TRAPPC9: variants seen among roughly 807,000 people sequenced by gnomAD.
The protein encoded by TRAPPC9 is IKK2 binding protein.
TRAPPC9 carries 83 observed loss-of-function variants against 124.0 expected under a neutral mutation model. That is an observed-to-expected ratio of 0.67 (90% CI 0.56 to 0.80). The LOEUF is 0.80. Ranked by LOEUF, TRAPPC9 falls within the 30% of genes least tolerant of loss-of-function variation. The pLI, the probability that TRAPPC9 is intolerant of heterozygous loss-of-function variation, is 0.00. For missense variants in TRAPPC9, 1,302 were observed against 1,508.3 expected, an observed-to-expected ratio of 0.86 and a Z score of 2.27; for synonymous variants, 638 against 617.5, an observed-to-expected ratio of 1.03 and a Z score of -0.49.
chr8:140,103,589 C>A (rs1422838490), intron 17 of TRAPPC9, among the ~76,000 whole-genome samples: 2 of 152,198 alleles, frequency 1.3e-5, no homozygotes, highest in Non-Finnish European at 2.9e-5. Flanking sequence ...TGTCATAGTG[C>A]TGCTGTTGAA....
intron 11 of TRAPPC9, among the ~76,000 whole-genome samples, chr8:140,293,367 A>G (rs2065716168): frequency 6.6e-6 from 1 of 151,890 alleles, no homozygotes; most frequent in Non-Finnish European, 1.5e-5. Context: ...ATTACTGGGT[A>G]TATACCCAAA....
At position 140,367,889 on chromosome 8, in the gene TRAPPC9, T is replaced by C. The variant is rs148591973; in HGVS notation, c.1351+3075A>G. On this transcript the variant is annotated intron_variant, in intron 8 of 22. Coordinates refer to ENST00000438773, the MANE Select transcript of TRAPPC9 (RefSeq NM_001160372.4). ...CATCCTCATGGTCCATCTAAAGGTGTCAATCATGAAATAAGGGGTGGGGAG... is the reference window on the plus strand; with the variant it reads ...CATCCTCATGGTCCATCTAAAGGTGCCAATCATGAAATAAGGGGTGGGGAG... 5.4e-4 allele frequency among the ~76,000 whole-genome samples: 82 copies of C among 152,186 alleles called. No homozygotes were observed. The East Asian group carries it at 0.015, about 28-fold the overall frequency.
chr8:140,161,455 TG>T, intron 17 of TRAPPC9, among the ~76,000 whole-genome samples: 1 of 151,896 alleles, frequency 6.6e-6, no homozygotes, highest in African/African-American at 2.4e-5. Flanking sequence ...ATATACGTAA[TG>T]AGCTATCTTT....
At chr8:140,190,058 G>C (rs1480557248) in intron 17 of TRAPPC9, among the ~76,000 whole-genome samples, 1 of 152,208 alleles carries the variant, frequency 6.6e-6, no homozygotes, top group Non-Finnish European at 1.5e-5. Context: ...AGAAATCAAA[G>C]CTAACAAGCG....
chr8:140,386,399 T>C (rs1021834861), intron 7 of TRAPPC9, among the ~76,000 whole-genome samples: 1 of 152,194 alleles, frequency 6.6e-6, no homozygotes, highest in East Asian at 1.9e-4. Flanking sequence ...GATGACATGA[T>C]TGTGTATCTA....
At chr8:139,866,605 G>A (rs1047957091) in intron 21 of TRAPPC9, among the ~76,000 whole-genome samples, 2 of 152,150 alleles carry the variant, frequency 1.3e-5, no homozygotes, top group Admixed American at 1.3e-4. Context: ...ACAGATTACA[G>A]TAAAGATAAT....
intron 17 of TRAPPC9, among the ~76,000 whole-genome samples, chr8:140,042,777 G>T (rs772955799): frequency 3.3e-5 from 5 of 152,194 alleles, no homozygotes; most frequent in Non-Finnish European, 5.9e-5. Flanking sequence ...GCTGATCTTC[G>T]CAGTTATTCA....
At chr8:140,382,749 C>G (rs892722747) in intron 7 of TRAPPC9, among the ~76,000 whole-genome samples, 11 of 152,250 alleles carry the variant, frequency 7.2e-5, no homozygotes, top group African/African-American at 2.7e-4. Context: ...CATAGCCAAA[C>G]AAAAGGCAGC....
intron 18 of TRAPPC9, among the ~76,000 whole-genome samples, chr8:140,006,580 C>G (rs1274979940): frequency 7.9e-5 from 12 of 152,126 alleles, no homozygotes; most frequent in Admixed American, 7.9e-4. Flanking sequence ...TTCACAATAG[C>G]AGAAAAGTGC....
rs71320340 is a variant in TRAPPC9 at position 140,019,542 on chromosome 8, C to CTTTTTTTTTTTTTTTTTT, written c.2699+4377_2699+4394dup. ...CTGTGTCAATTTTAGTAATTTGTGT[C>CTTTTTTTTTTTTTTTTTT]TTTTTTTTTTTTTTTTTTTTTTTTT... On this transcript the variant is annotated intron_variant, in intron 18 of 22. Transcript: ENST00000438773. 9.1e-5 allele frequency among the ~76,000 whole-genome samples: 4 copies of CTTTTTTTTTTTTTTTTTT among 43,838 alleles called. 1 individual carries two copies. In the Admixed American group the frequency reaches 1.0e-3, roughly 11 times the overall value. 28.8% of individuals were successfully genotyped at this position (43,838 alleles called of 152,430 possible). A position where few individuals can be genotyped will look rare whatever the true frequency, so the allele number is the denominator to read the frequency against.
intron 21 of TRAPPC9, among the ~76,000 whole-genome samples, chr8:139,796,060 GGAA>G (rs1823050471): frequency 7.3e-6 from 1 of 136,546 alleles, no homozygotes; most frequent in East Asian, 2.0e-4. Flanking sequence ...AGGAGGAAGA[GGAA>G]GAAGAGGAGG....
chr8:140,275,578 A>C lies in TRAPPC9; in HGVS notation c.2278+80T>G. 3 of 1,496,626 alleles carry C rather than the reference A, an allele frequency of 2.0e-6. No homozygotes were observed. In the Admixed American group the frequency reaches 5.0e-5, roughly 25 times the overall value. The allele number at this position is 1,496,626 out of a possible 1,614,324, so 92.7% of individuals were successfully genotyped here. A position where few individuals can be genotyped will look rare whatever the true frequency, so the allele number is the denominator to read the frequency against. On this transcript the variant is annotated intron_variant, in intron 15 of 22. Coordinates refer to ENST00000438773, the MANE Select transcript of TRAPPC9 (RefSeq NM_001160372.4). Reference sequence around the variant, plus strand: ...CACAAAGAAGTTTTTAGATTCTCTGAAAACTGAGAATTTAAAGTATCTCTT... The same window carrying C: ...CACAAAGAAGTTTTTAGATTCTCTGCAAACTGAGAATTTAAAGTATCTCTT...
At chr8:139,988,637 T>C (rs937643556) in intron 19 of TRAPPC9, 89 bp downstream of exon 19, 5 of 854,256 alleles carry the variant, frequency 5.9e-6, no homozygotes, top group Non-Finnish European at 9.6e-6. Context: ...CTCTGAGGAC[T>C]TGGGGTGGAT....
At chr8:140,277,290 T>C (rs1287433583) in intron 14 of TRAPPC9, among the ~76,000 whole-genome samples, 1 of 152,168 alleles carries the variant, frequency 6.6e-6, no homozygotes, top group Non-Finnish European at 1.5e-5. Flanking sequence ...GGTGAAACAA[T>C]TGCATAATAA....
chr8:139,926,199 G>A (rs1170195640), intron 19 of TRAPPC9, among the ~76,000 whole-genome samples: 1 of 152,240 alleles, frequency 6.6e-6, no homozygotes, highest in Non-Finnish European at 1.5e-5. Context: ...CTGGGGAGGT[G>A]AGCTTGAGGA....
chr8:140,130,210 T>G (rs529997530), intron 17 of TRAPPC9, among the ~76,000 whole-genome samples: 1 of 152,310 alleles, frequency 6.6e-6, no homozygotes, highest in South Asian at 2.1e-4. Context: ...CATAGTGCTG[T>G]GAAGAAAGGG....
At chr8:140,451,517 G>A (rs2071462881) in intron 1 of TRAPPC9, 134 bp from the exon 2 acceptor site, 6 of 747,668 alleles carry the variant, frequency 8.0e-6, no homozygotes, top group Non-Finnish European at 1.4e-5. Flanking sequence ...GCATCAACAG[G>A]TCTTAGGGCT....
intron 21 of TRAPPC9, among the ~76,000 whole-genome samples, chr8:139,785,587 GGT>G (rs1236217480): frequency 6.7e-6 from 1 of 149,692 alleles, no homozygotes; most frequent in African/African-American, 2.5e-5. Flanking sequence ...CAATTAGCTG[GGT>G]GTGGTGGCGG....
At chr8:139,996,360 A>G (rs1837997654) in intron 18 of TRAPPC9, among the ~76,000 whole-genome samples, 1 of 152,038 alleles carries the variant, frequency 6.6e-6, no homozygotes, top group African/African-American at 2.4e-5. Context: ...CATACTACCC[A>G]AGTGTACATG....
Sources: allele counts gnomAD v4.1 joint callset (sites outside exome capture counted in the v4.1 genomes callset), GRCh38; gene constraint gnomAD v4.1.1; transcripts MANE v1.5; gene names NCBI Gene and HGNC (gene_info 2026-07-23, HGNC 2026-07-21).